Variants in CREBBP observed in about 807,000 individuals in gnomAD.
The protein encoded by CREBBP is CREB binding lysine acetyltransferase.
Under a neutral mutation model 265.0 loss-of-function variants are expected in CREBBP, and 19 were observed. That is an observed-to-expected ratio of 0.07 (90% CI 0.05 to 0.11). The LOEUF (loss-of-function observed/expected upper bound fraction) is 0.11, where lower values mean the gene tolerates loss of function less well. Ranked by LOEUF, CREBBP falls within the 10% of genes least tolerant of loss-of-function variation. The pLI, the probability that CREBBP is intolerant of heterozygous loss-of-function variation, is 1.00. For synonymous variants in CREBBP, 1,457 were observed against 1,223.7 expected (o/e 1.19, Z -3.98); for missense variants, 2,525 against 3,219.0 (o/e 0.78, Z 5.22).
chr16:3,757,454 G>C, intron 18 of CREBBP, 78 bp from the exon 19 acceptor site: 1 of 1,179,732 alleles, frequency 8.5e-7, no homozygotes, highest in Admixed American at 2.0e-5. Flanking sequence ...GTCTACTATA[G>C]AGACTAGTAA....
chr16:3,802,771 A>T (rs1178629709), intron 3 of CREBBP, among the ~76,000 whole-genome samples: 1 of 152,092 alleles, frequency 6.6e-6, no homozygotes, highest in Non-Finnish European at 1.5e-5. Flanking sequence ...CCAGGCTGGG[A>T]TTCTTGCTGC....
intron 2 of CREBBP, among the ~76,000 whole-genome samples, chr16:3,830,872 C>G (rs2054329455): frequency 6.6e-6 from 1 of 152,166 alleles, no homozygotes; most frequent in South Asian, 2.1e-4. Flanking sequence ...ACCTCTACCT[C>G]CTGGGGTGAA....
Position 3,728,615 on chromosome 16 carries a change from G to A in CREBBP, c.6432C>T (p.Ala2144=), listed in dbSNP as rs766458803. The change falls in exon 31 of 31, where the codon GCC becomes GCT. Residue 2144 remains alanine, a synonymous_variant. Transcript: ENST00000262367. This position sits in a 1 kb window ranked among gnomAD's most constrained non-coding sequence, Gnocchi z 8.7. The stretch of plus-strand genomic sequence containing the variant: ...CGGGCCGCGGCACGCCAGCCTGCAT[G>A]GCATTCAGGTTCTGCAGGCTGGGCT... ...HQQPSLQNLN[A]MQAGVPRPGV... The A allele has an allele frequency of 5.0e-6, 8 of 1,613,560 alleles. No individual in the cohort carries two copies. The Admixed American group carries it at 6.7e-5, about 13-fold the overall frequency.
chr16:3,794,134 T>C (rs1292106496), intron 3 of CREBBP, among the ~76,000 whole-genome samples: 1 of 151,824 alleles, frequency 6.6e-6, no homozygotes, highest in Non-Finnish European at 1.5e-5. Context: ...GGGACCACCC[T>C]GGCTAACACG....
chr16:3,793,249 G>T, intron 4 of CREBBP, 137 bp downstream of exon 4: 1 of 1,175,062 alleles, frequency 8.5e-7, no homozygotes. Flanking sequence ...GAACGTGAGC[G>T]CAACATGTCT....
chr16:3,810,723 C>T lies in CREBBP; in HGVS notation c.855G>A (p.Gly285=), dbSNP rs1351867135. ...PFGQPFSQAG[G]QPMGATGVNP... Reference sequence around the variant, plus strand: ...TCACTCCAGTGGCTCCCATTGGCTGCCCTCCAGCTTGACTAAAGGGCTGTC... The same window carrying T: ...TCACTCCAGTGGCTCCCATTGGCTGTCCTCCAGCTTGACTAAAGGGCTGTC... Residue 285 remains glycine (G), a synonymous_variant, in exon 3 of 31, where the codon GGG becomes GGA. Transcript: ENST00000262367. 3.7e-6 allele frequency: 6 copies of T among 1,613,706 alleles called. No individual in the cohort carries two copies. The highest frequency in any genetic ancestry group is 1.3e-5 in the African/African-American group (1 of 74,836).
chr16:3,782,803 T>A lies in CREBBP; in HGVS notation c.1454A>T (p.Tyr485Phe), dbSNP rs746188366. The part of the protein sequence containing the change: ...PIDPSSMQRA[Y>F]AALGLPYMNQ... ...CATGTAGGGGAGTCCGAGAGCAGCA[T>A]AGGCTCGCTGCATGGAGCTGGGGTC... The change falls in exon 6 of 31, where the codon TAT (tyrosine) becomes TTT (phenylalanine). Residue 485 changes from tyrosine (Y) to phenylalanine (F), a missense_variant. Coordinates refer to ENST00000262367, the MANE Select transcript of CREBBP (RefSeq NM_004380.3). 1.9e-6 allele frequency: 3 copies of A among 1,614,024 alleles called. No homozygotes were observed.
intron 2 of CREBBP, among the ~76,000 whole-genome samples, chr16:3,836,297 G>A (rs1458839140): frequency 2.0e-5 from 3 of 151,948 alleles, no homozygotes; most frequent in African/African-American, 2.4e-5. Flanking sequence ...AGCTGGGCAT[G>A]GTGGTGCACA....
chr16:3,821,835 G>T (rs1039028488), intron 2 of CREBBP, among the ~76,000 whole-genome samples: 5 of 152,140 alleles, frequency 3.3e-5, no homozygotes, highest in African/African-American at 1.2e-4. Flanking sequence ...TTGGAGACCC[G>T]CCTGGCCAAT....
At chr16:3,770,245 G>C (rs936885608) in intron 14 of CREBBP, among the ~76,000 whole-genome samples, 1 of 152,084 alleles carries the variant, frequency 6.6e-6, no homozygotes, top group Admixed American at 6.5e-5. Flanking sequence ...ACAGTGGCGT[G>C]ATCTTGGCTC....
chr16:3,760,801 G>A (rs1004070857), intron 16 of CREBBP, among the ~76,000 whole-genome samples: 4 of 151,856 alleles, frequency 2.6e-5, no homozygotes, highest in Non-Finnish European at 4.4e-5. Context: ...CACTGTAGCT[G>A]CAAACTCCTG....
At chr16:3,871,769 G>A (rs1171127726) in intron 1 of CREBBP, among the ~76,000 whole-genome samples, 1 of 152,192 alleles carries the variant, frequency 6.6e-6, no homozygotes, top group Non-Finnish European at 1.5e-5. Flanking sequence ...CAACAGAATT[G>A]TACAACTCCA....
rs1567360352 is a variant in CREBBP, at chr16:3,849,436, T to TGTGTG, written c.798+856_798+860dup. ...GTGTGTGTGTGTGTGTGTGTGTGTG[T>TGTGTG]GTGTGTGTGTGTGTGTGTGTGTGTG... On this transcript the variant is annotated intron_variant, in intron 2 of 30. Coordinates refer to ENST00000262367, the MANE Select transcript of CREBBP (RefSeq NM_004380.3). Among the ~76,000 whole-genome samples, 41 of 11,402 alleles carry TGTGTG rather than the reference T, an allele frequency of 3.6e-3. 1 individual carries two copies. Among genetic ancestry groups the TGTGTG allele is most frequent in the East Asian group, 0.016 (1 of 64 alleles). The allele number at this position is 11,402 out of a possible 152,430, so 7.5% of individuals were successfully genotyped here. A position where few individuals can be genotyped will look rare whatever the true frequency, so the allele number is the denominator to read the frequency against.
At chr16:3,747,426 T>A (rs536458571) in intron 21 of CREBBP, among the ~76,000 whole-genome samples, 27 of 152,350 alleles carry the variant, frequency 1.8e-4, no homozygotes, top group African/African-American at 6.5e-4. Context: ...TAGAATGCTC[T>A]GCAGCTTCAA....
In CREBBP at chr16:3,810,538, G is replaced by A. The variant is rs130043; in HGVS notation, c.975+65C>T. ...GTTATAGACTTTCACTGTGAGAATGGTAAAAATCCACAGACCACAGCACCC... is the reference window on the plus strand; with the variant it reads ...GTTATAGACTTTCACTGTGAGAATGATAAAAATCCACAGACCACAGCACCC... On this transcript the variant is annotated intron_variant, in intron 3 of 30. Transcript: ENST00000262367. 9.8e-3 allele frequency: 15,517 copies of A among 1,576,038 alleles called. 117 individuals are homozygous for A. The highest frequency in any genetic ancestry group is 0.013 in the Middle Eastern group (60 of 4,602).
chr16:3,760,763 G>C (rs1034003666), intron 16 of CREBBP, among the ~76,000 whole-genome samples: 16 of 152,066 alleles, frequency 1.1e-4, no homozygotes, highest in African/African-American at 3.9e-4. Context: ...GCCCAGGCTG[G>C]AGGGCAATGT....
At chr16:3,771,257 T>G (rs538532555) in intron 13 of CREBBP, among the ~76,000 whole-genome samples, 9 of 151,982 alleles carry the variant, frequency 5.9e-5, no homozygotes, top group Non-Finnish European at 8.8e-5. Context: ...TTAGTAGAGA[T>G]CGGGTTTTGC....
intron 16 of CREBBP, among the ~76,000 whole-genome samples, chr16:3,763,896 G>A (rs1217811989): frequency 5.5e-5 from 8 of 144,490 alleles, no homozygotes; most frequent in Non-Finnish European, 9.0e-5. Context: ...CCAGGCTGGA[G>A]TGCAGTGGCA....
intron 21 of CREBBP, among the ~76,000 whole-genome samples, chr16:3,746,058 T>TA (rs1340395865): frequency 6.6e-6 from 1 of 152,216 alleles, no homozygotes; most frequent in Admixed American, 6.5e-5. Context: ...CCAGGAATCT[T>TA]AAATGCCAAG....
Sources: allele counts gnomAD v4.1 joint callset (sites outside exome capture counted in the v4.1 genomes callset), GRCh38; gene constraint gnomAD v4.1.1; non-coding constraint Gnocchi (gnomAD v3.1); transcripts MANE v1.5; gene names NCBI Gene and HGNC (gene_info 2026-07-23, HGNC 2026-07-21).